RBM34: variants seen among roughly 807,000 people sequenced by gnomAD.
RBM34 encodes RNA binding motif protein 34.
Under a neutral mutation model 44.6 loss-of-function variants are expected in RBM34, and 39 were observed. The ratio of observed to expected loss-of-function variants is 0.87; its 90% CI spans 0.68 to 1.14. RBM34 has a LOEUF of 1.14. Ranked by LOEUF, RBM34 falls within the 50% of genes most tolerant of loss-of-function variation. RBM34 has a pLI of 0.00. For synonymous variants in RBM34, 194 were observed against 184.0 expected (o/e 1.05, Z -0.44); for missense variants, 572 against 517.9 (o/e 1.10, Z -1.01).
chr1:235,159,776 G>C (rs1315983653), intron 3 of RBM34, among the ~76,000 whole-genome samples: 2 of 148,174 alleles, frequency 1.3e-5, no homozygotes, highest in African/African-American at 5.0e-5. Flanking sequence ...CCTGAGGCAG[G>C]AAAAATCACT....
rs772864795 is a variant in RBM34 at position 235,160,952 on chromosome 1, C to T, written c.169G>A (p.Ala57Thr). The T allele has an allele frequency of 1.2e-6, 2 of 1,614,160 alleles. No individual in the cohort carries two copies. The highest frequency in any genetic ancestry group is 1.7e-6 in the Non-Finnish European group (2 of 1,180,022). Reference protein sequence around the residue: ...HHSRGGTGRLASLFSSLEPQI... With the variant: ...HHSRGGTGRLTSLFSSLEPQI... ...GGCTCCAGAGAACTGAAGAGGGACG[C>T]CAGCCGACCGGTGCCACCTCTGGAA... The change falls in exon 2 of 11, where the codon GCG becomes ACG. Residue 57 changes from alanine (A) to threonine (T), a missense_variant. By Grantham distance (58) the Ala-to-Thr change is moderately conservative. Transcript: ENST00000408888.
intron 10 of RBM34, 88 bp from the exon 11 acceptor site, chr1:235,132,085 G>A (rs962298220): frequency 4.7e-6 from 6 of 1,289,008 alleles, no homozygotes; most frequent in African/African-American, 4.5e-5. Context: ...AGATGAGAAC[G>A]ACTTTCAAGC....
At position 235,131,899 on chromosome 1, in the gene RBM34, T is replaced by C. The variant is rs73112796; in HGVS notation, c.1107A>G (p.Lys369=). 8.2e-4 allele frequency: 1,324 copies of C among 1,614,122 alleles called. 10 individuals carry two copies. The African/African-American group carries it at 0.015, about 18-fold the overall frequency. The change falls in exon 11 of 11, where the codon AAA becomes AAG. Residue 369 remains lysine (K), a synonymous_variant. Transcript: ENST00000408888. ...TCAATCGTGGATTTGAATTTTGTTG[T>C]TTAAATTTTTCTTTATTAACAGAAC... ...VMRSVNKEKF[K]QQNSNPRLKN...
At chr1:235,132,689 G>C (rs1057139089) in intron 10 of RBM34, among the ~76,000 whole-genome samples, 1 of 152,226 alleles carries the variant, frequency 6.6e-6, no homozygotes, top group Non-Finnish European at 1.5e-5. Flanking sequence ...GCTGACCAGA[G>C]GGCAGGGAAC....
At chr1:235,136,472 G>A (rs77968671) in intron 8 of RBM34, among the ~76,000 whole-genome samples, 3,641 of 152,198 alleles carry the variant, frequency 0.024, 71 homozygotes, top group Non-Finnish European at 0.04. Flanking sequence ...AATGGATGTC[G>A]CTGTGTGTCA....
chr1:235,136,333 G>A (rs953302678), intron 8 of RBM34, among the ~76,000 whole-genome samples: 4 of 152,194 alleles, frequency 2.6e-5, no homozygotes, highest in Non-Finnish European at 5.9e-5. Context: ...TATATTGGGA[G>A]CATGCCAACT....
chr1:235,158,049 T>G (rs72756041), intron 3 of RBM34, among the ~76,000 whole-genome samples: 22,761 of 139,648 alleles, frequency 0.16, 1,845 homozygotes, highest in African/African-American at 0.23. Flanking sequence ...ATTACATGGG[T>G]TTTTTTTTTT....
chr1:235,144,404 C>T (rs980395014), intron 6 of RBM34, among the ~76,000 whole-genome samples: 8 of 149,608 alleles, frequency 5.3e-5, no homozygotes, highest in African/African-American at 2.0e-4. Flanking sequence ...GGTATCTGGA[C>T]TATGGCAGTG....
intron 6 of RBM34, among the ~76,000 whole-genome samples, chr1:235,144,902 G>A (rs1661839013): frequency 6.6e-6 from 1 of 152,154 alleles, no homozygotes; most frequent in Non-Finnish European, 1.5e-5. Flanking sequence ...AAATTAGCCA[G>A]GTGTAGCGCA....
intron 6 of RBM34, among the ~76,000 whole-genome samples, chr1:235,145,440 C>A (rs1201059063): frequency 6.6e-6 from 1 of 151,910 alleles, no homozygotes; most frequent in African/African-American, 2.4e-5. Flanking sequence ...CCTTGCCCAG[C>A]TAATTTTTTT....
chr1:235,145,292 T>A (rs1002363420), intron 6 of RBM34, among the ~76,000 whole-genome samples: 9 of 151,876 alleles, frequency 5.9e-5, no homozygotes, highest in Admixed American at 5.9e-4. Flanking sequence ...TTTTTTTTTT[T>A]TTTTTGAGAT....
chr1:235,158,146 G>A (rs1280929321), intron 3 of RBM34, among the ~76,000 whole-genome samples: 1 of 152,004 alleles, frequency 6.6e-6, no homozygotes, highest in Non-Finnish European at 1.5e-5. Flanking sequence ...CAGGCGCGGT[G>A]GCTCACGCCT....
chr1:235,155,796 T>C (rs2102860523), intron 3 of RBM34, among the ~76,000 whole-genome samples: 1 of 129,156 alleles, frequency 7.7e-6, no homozygotes, highest in East Asian at 2.6e-4. Context: ...TGAGCCACCA[T>C]GTCCAGTCTT....
chr1:235,139,901 A>G (rs1661601859), intron 6 of RBM34, among the ~76,000 whole-genome samples: 1 of 152,098 alleles, frequency 6.6e-6, no homozygotes, highest in Non-Finnish European at 1.5e-5. Flanking sequence ...GATCTCACTA[A>G]AACACTAGAG....
chr1:235,142,228 G>C (rs1312983145), intron 6 of RBM34, among the ~76,000 whole-genome samples: 1 of 152,148 alleles, frequency 6.6e-6, no homozygotes, highest in Non-Finnish European at 1.5e-5. Context: ...AGACAGCAGA[G>C]ACCCTGCTGC....
intron 6 of RBM34, among the ~76,000 whole-genome samples, chr1:235,142,926 C>CAAA (rs34015202): frequency 0.15 from 10,101 of 66,024 alleles, 718 homozygotes; most frequent in African/African-American, 0.19. Context: ...GGATCCATCT[C>CAAA]AAAAAAAAAA....
chr1:235,152,410 ATTAAC>A, intron 5 of RBM34: 3 of 946,406 alleles, frequency 3.2e-6, no homozygotes, highest in Non-Finnish European at 3.9e-6. Flanking sequence ...GATAATCAGT[ATTAAC>A]TTTTCAGTCT....
chr1:235,139,625 C>T (rs754651768), intron 6 of RBM34, among the ~76,000 whole-genome samples: 15 of 152,148 alleles, frequency 9.9e-5, no homozygotes, highest in Non-Finnish European at 1.3e-4. Flanking sequence ...GCTGGAGTTC[C>T]GCTTCCACCT....
intron 10 of RBM34, 118 bp from the exon 11 acceptor site, chr1:235,132,115 C>G: frequency 7.6e-6 from 7 of 917,456 alleles, no homozygotes; most frequent in Non-Finnish European, 1.1e-5. Context: ...TAAGCCCCAT[C>G]CAATCCCAGG....
Sources: allele counts gnomAD v4.1 joint callset (sites outside exome capture counted in the v4.1 genomes callset), GRCh38; gene constraint gnomAD v4.1.1; transcripts MANE v1.5; gene names NCBI Gene and HGNC (gene_info 2026-07-23, HGNC 2026-07-21).